Variants in SLFN12L observed in about 807,000 individuals in gnomAD.
SLFN12L encodes the protein schlafen family member 12-like.
SLFN12L carries 34 observed loss-of-function variants against 34.8 expected under a neutral mutation model. The ratio of observed to expected loss-of-function variants is 0.98; its 90% CI spans 0.74 to 1.30. The LOEUF (loss-of-function observed/expected upper bound fraction) is 1.30. Ranked by LOEUF, SLFN12L falls within the 50% of genes most tolerant of loss-of-function variation. The pLI is 0.00. For missense variants in SLFN12L, 703 were observed against 696.2 expected, an observed-to-expected ratio of 1.01 and a Z score of -0.11; for synonymous variants, 259 against 247.5, an observed-to-expected ratio of 1.05 and a Z score of -0.44.
rs997066648 is a variant in SLFN12L, at chr17:35,472,114, T to G, written c.*2809A>C. Among the ~76,000 whole-genome samples the G allele has an allele frequency of 6.6e-6, 1 of 152,206 alleles. No individual in the cohort carries two copies. The highest frequency in any genetic ancestry group is 1.5e-5 in the Non-Finnish European group (1 of 68,030). On this transcript the variant is annotated 3_prime_UTR_variant, in exon 5 of 5. Transcript: ENST00000628453. Reference sequence around the variant, plus strand: ...CTTTCGTTGCAATTGCTTTTGGTGTTTTTGTCATGAAGTCTTTGCCCATGC... The same window carrying G: ...CTTTCGTTGCAATTGCTTTTGGTGTGTTTGTCATGAAGTCTTTGCCCATGC...
chr17:35,478,711 C>T (rs9912354), intron 3 of SLFN12L, among the ~76,000 whole-genome samples: 58,818 of 151,914 alleles, frequency 0.39, 11,471 homozygotes, highest in Middle Eastern at 0.42. Flanking sequence ...GAAGTCTTTA[C>T]AGGAAATAAA....
At position 35,521,427 on chromosome 17, in the gene SLFN12L, A is replaced by T. The variant is rs114811259; in HGVS notation, c.86+852T>A. On this transcript the variant is annotated intron_variant, in intron 2 of 4. Transcript: ENST00000628453. The stretch of plus-strand genomic sequence containing the variant: ...TTTGCAACTTTTCTGTAAGTCTATG[A>T]ATATTTTAAAATAAAAAGTTAACTT... Among the ~76,000 whole-genome samples the T allele has an allele frequency of 4.4e-3, 673 of 152,370 alleles. 6 individuals carry two copies. Among genetic ancestry groups the T allele is most frequent in the African/African-American group, 0.016 (646 of 41,594 alleles).
intron 2 of SLFN12L, chr17:35,498,520 G>T (rs183855852): frequency 1.6e-6 from 2 of 1,229,512 alleles, no homozygotes; most frequent in African/African-American, 3.0e-5. Flanking sequence ...CTCTTTGTCT[G>T]CCTCCATCTC....
Position 35,475,082 on chromosome 17 carries a change from A to T in SLFN12L, c.1680T>A (p.Ile560=). 5.0e-6 allele frequency: 8 copies of T among 1,614,076 alleles called. No homozygotes were observed. In the African/African-American group the frequency reaches 5.3e-5, roughly 11 times the overall value. ...SCQYDLNSQV[I]YPESYYWTTA... Reference sequence around the variant, plus strand: ...TTGTCCAATAGTAGGATTCAGGGTAAATTACTTGCGAGTTTAAATCATACT... The same window carrying T: ...TTGTCCAATAGTAGGATTCAGGGTATATTACTTGCGAGTTTAAATCATACT... The change falls in exon 5 of 5, where the codon ATT becomes ATA. Residue 560 remains isoleucine (I), a synonymous_variant. Transcript: ENST00000628453.
intron 2 of SLFN12L, chr17:35,499,167 C>G: frequency 1.1e-6 from 1 of 941,426 alleles, no homozygotes; most frequent in Middle Eastern, 2.4e-4. Context: ...TTGTGATATT[C>G]TGGAGGAGGA....
At chr17:35,533,792 G>C (rs992291015) in intron 1 of SLFN12L, among the ~76,000 whole-genome samples, 7 of 152,132 alleles carry the variant, frequency 4.6e-5, no homozygotes, top group African/African-American at 1.7e-4. Flanking sequence ...AAGAGTAATG[G>C]GAAGCTGGCC....
Position 35,499,140 on chromosome 17 carries a change from T to C in SLFN12L, c.87-18945A>G, listed in dbSNP as rs967869732. ...ATCAGAGTCCTGTCAAGTAGACATG[T>C]CCCGCATCCATTTGGCTTGTGATAT... On this transcript the variant is annotated intron_variant, in intron 2 of 4. Coordinates refer to ENST00000628453, the MANE Select transcript of SLFN12L (RefSeq NM_001363830.2). 1.0e-5 allele frequency: 9 copies of C among 863,436 alleles called. No individual in the cohort carries two copies. In the African/African-American group the frequency reaches 1.5e-4, roughly 15 times the overall value. The allele number at this position is 863,436 out of a possible 1,614,324, so 53.5% of individuals were successfully genotyped here.
chr17:35,479,627 T>G lies in SLFN12L; in HGVS notation c.655A>C (p.Met219Leu). ...AAAAAATCAGCAGCCAAGGCTTCCA[T>G]GTTACTTTCTTCTTGTACATCAACA... ...ACVDVQEESN[M>L]EALAADFFNR... Residue 219 changes from methionine (M) to leucine (L), a missense_variant, in exon 3 of 5, where the codon ATG becomes CTG. By Grantham distance (15) the Met-to-Leu change is conservative. Coordinates refer to ENST00000628453, the MANE Select transcript of SLFN12L (RefSeq NM_001363830.2). The G allele has an allele frequency of 6.2e-7, 1 of 1,611,330 alleles. No individual in the cohort carries two copies. Among genetic ancestry groups the G allele is most frequent in the Non-Finnish European group, 8.5e-7 (1 of 1,178,550 alleles).
chr17:35,490,891 C>G, intron 2 of SLFN12L: 2 of 842,020 alleles, frequency 2.4e-6, no homozygotes, highest in Non-Finnish European at 4.2e-6. Flanking sequence ...GACTGAAACA[C>G]AGTCCAATGA....
Position 35,465,606 on chromosome 17 carries a change from G to A in SLFN12L, c.*9317C>T, listed in dbSNP as rs975124488. On this transcript the variant is annotated 3_prime_UTR_variant, in exon 5 of 5. Transcript: ENST00000628453. ...AAACCTCATTTATATAACATAAAAG[G>A]GATAAAGGAGATAAGTATTCCCTGC... is the stretch of plus-strand genomic sequence containing the variant. Among the ~76,000 whole-genome samples the A allele has an allele frequency of 6.6e-6, 1 of 151,376 alleles. No individual in the cohort carries two copies. The highest frequency in any genetic ancestry group is 1.5e-5 in the Non-Finnish European group (1 of 67,892).
chr17:35,515,975 T>C (rs528885919), intron 2 of SLFN12L, among the ~76,000 whole-genome samples: 2 of 152,166 alleles, frequency 1.3e-5, no homozygotes, highest in South Asian at 4.2e-4. Flanking sequence ...ATTTAAAGAA[T>C]TGGATGTTTT....
chr17:35,488,286 G>C (rs1344562311), intron 2 of SLFN12L, among the ~76,000 whole-genome samples: 1 of 152,228 alleles, frequency 6.6e-6, no homozygotes, highest in South Asian at 2.1e-4. Flanking sequence ...CAGCCCTGCT[G>C]TCCCCTTGCT....
intron 2 of SLFN12L, chr17:35,499,723 C>A: frequency 3.7e-6 from 1 of 268,544 alleles, no homozygotes; most frequent in Non-Finnish European, 5.6e-6. Flanking sequence ...TCCATGTACC[C>A]CAGGGTGTTC....
intron 2 of SLFN12L, among the ~76,000 whole-genome samples, chr17:35,502,772 G>A (rs980585213): frequency 1.4e-4 from 22 of 152,172 alleles, no homozygotes; most frequent in Non-Finnish European, 2.9e-5. Context: ...TGTGGCCTTA[G>A]ACAGTCTAGT....
At chr17:35,477,848 T>C in intron 4 of SLFN12L, 1 of 309,176 alleles carries the variant, frequency 3.2e-6, no homozygotes, top group Non-Finnish European at 5.9e-6. Context: ...AATTTGACAT[T>C]ATCTTATTAC....
At chr17:35,499,780 C>CT (rs1254221779) in intron 2 of SLFN12L, 1 of 229,258 alleles carries the variant, frequency 4.4e-6, no homozygotes. Context: ...GTTGCTAGCT[C>CT]TCCCCTGTCA....
intron 2 of SLFN12L, among the ~76,000 whole-genome samples, chr17:35,484,625 T>C (rs1914502185): frequency 1.3e-5 from 2 of 152,184 alleles, no homozygotes; most frequent in South Asian, 4.1e-4. Context: ...ACCCTGGGAC[T>C]TGTGGCTGTG....
rs763221680 is a variant in SLFN12L at position 35,475,318 on chromosome 17, T to C, written c.1444A>G (p.Lys482Glu). Residue 482 changes from lysine to glutamate, a missense_variant, in exon 5 of 5, where the codon AAA (lysine) becomes GAA (glutamate). Physicochemically the swap from Lys to Glu is moderately conservative, Grantham distance 56. Transcript: ENST00000628453. Reference protein sequence around the residue: ...SLDLGLQENHKVLCDALLISQ... With the variant: ...SLDLGLQENHEVLCDALLISQ... ...ATCAGAAGAGCATCACAGAGGACTT[T>C]GTGGTTCTCTTGCAAGCCCAGATCC... is the stretch of plus-strand genomic sequence containing the variant. 3 of 1,614,204 alleles carry C rather than the reference T, an allele frequency of 1.9e-6. No individual in the cohort carries two copies. In the Admixed American group the frequency reaches 5.0e-5, roughly 27 times the overall value.
rs1913796505 is a variant in SLFN12L at position 35,470,905 on chromosome 17, T to A, written c.*4018A>T. Among the ~76,000 whole-genome samples, 5 of 151,940 alleles carry A rather than the reference T, an allele frequency of 3.3e-5. No individual in the cohort carries two copies. Among genetic ancestry groups the A allele is most frequent in the Admixed American group, 2.6e-4 (4 of 15,254 alleles). ...CAGCTCCCACTTATGAGTGAGAACATGTAGTGTTTCATTTTCTGTTCCCAT... is the reference window on the plus strand; with the variant it reads ...CAGCTCCCACTTATGAGTGAGAACAAGTAGTGTTTCATTTTCTGTTCCCAT... On this transcript the variant is annotated 3_prime_UTR_variant, in exon 5 of 5. Transcript: ENST00000628453.
Sources: allele counts gnomAD v4.1 joint callset (sites outside exome capture counted in the v4.1 genomes callset), GRCh38; gene constraint gnomAD v4.1.1; transcripts MANE v1.5; gene names NCBI Gene and HGNC (gene_info 2026-07-23, HGNC 2026-07-21).